Variants in GCN1 observed in about 807,000 individuals in gnomAD.
GCN1 encodes the protein stalled ribosome sensor GCN1.
In GCN1, 90 loss-of-function variants were observed where a neutral mutation model predicts 288.4. That is an observed-to-expected ratio of 0.31 (90% confidence interval 0.26 to 0.37). The LOEUF (loss-of-function observed/expected upper bound fraction) is 0.37, where lower values mean the gene tolerates loss of function less well. Among genes scored for constraint, GCN1 ranks in the 10% least tolerant of loss-of-function variants. The pLI is 1.00. For synonymous variants in GCN1, 1,386 were observed against 1,420.2 expected, an observed-to-expected ratio of 0.98 and a Z score of 0.54; for missense variants, 2,586 against 3,419.9, an observed-to-expected ratio of 0.76 and a Z score of 6.08.
At chr12:120,192,901 T>C (rs1327934767) in intron 1 of GCN1, among the ~76,000 whole-genome samples, 1 of 149,806 alleles carries the variant, frequency 6.7e-6, no homozygotes, top group East Asian at 2.0e-4. Flanking sequence ...CCGGGCATGG[T>C]GGCGCATGCC....
chr12:120,186,720 T>C lies in GCN1; in HGVS notation c.122-1833A>G, dbSNP rs577908825. On this transcript the variant is annotated intron_variant, in intron 2 of 57. Transcript: ENST00000300648. The stretch of plus-strand genomic sequence containing the variant: ...CAGAAACAGGTTGTGGCTAAGACAA[T>C]GACAATAACAGCTAACACACACTGT... 3.9e-5 allele frequency among the ~76,000 whole-genome samples: 6 copies of C among 152,236 alleles called. No individual in the cohort carries two copies. In the East Asian group the frequency reaches 1.2e-3, roughly 29 times the overall value.
chr12:120,176,011 A>G lies in GCN1; in HGVS notation c.913+132T>C, dbSNP rs998885778. On this transcript the variant is annotated intron_variant, in intron 10 of 57. Transcript: ENST00000300648. The stretch of plus-strand genomic sequence containing the variant: ...AAATAATCTCAAGAAAGAAACTGCC[A>G]ATGCCAATGTAGTTTAGGTTAGGGC... 4.6e-6 allele frequency: 6 copies of G among 1,301,848 alleles called. No individual in the cohort carries two copies. The African/African-American group carries it at 8.9e-5, about 19-fold the overall frequency. The allele number at this position is 1,301,848 out of a possible 1,614,324, so 80.6% of individuals were successfully genotyped here.
In GCN1 at chr12:120,145,333, G is replaced by GC. The variant is rs1877331068; in HGVS notation, c.4948-4dup. Reference sequence around the variant, plus strand: ...CTGGGCAGGTACGGAGCCAAGTCCTGCAACAACACAGGAGGCGGCTCAGGT... The same window carrying GC: ...CTGGGCAGGTACGGAGCCAAGTCCTGCCAACAACACAGGAGGCGGCTCAGGT... On this transcript the variant is annotated splice_polypyrimidine_tract_variant and splice_region_variant and intron_variant, in intron 38 of 57. Transcript: ENST00000300648. 1.3e-6 allele frequency: 2 copies of GC among 1,576,830 alleles called. No homozygotes were observed. The highest frequency in any genetic ancestry group is 1.7e-6 in the Non-Finnish European group (2 of 1,162,038).
In GCN1 at chr12:120,178,643, G is replaced by T; in HGVS notation, c.642C>A (p.Asp214Glu). The change falls in exon 7 of 58, where the codon GAC becomes GAA. Residue 214 changes from aspartate to glutamate, a missense_variant. Transcript: ENST00000300648. Reference sequence around the variant, plus strand: ...CACTTGCCTTGTGCTGACTGACCACGTCCATCTCCTTGTGACTCGTGCAGA... The same window carrying T: ...CACTTGCCTTGTGCTGACTGACCACTTCCATCTCCTTGTGACTCGTGCAGA... The part of the protein sequence containing the change: ...VQFCTSHKEM[D>E]VVSQHKSALL... The T allele has an allele frequency of 6.2e-7, 1 of 1,614,170 alleles. No individual in the cohort carries two copies. The highest frequency in any genetic ancestry group is 8.5e-7 in the Non-Finnish European group (1 of 1,180,022).
At chr12:120,181,382 T>G (rs1878652088) in intron 5 of GCN1, among the ~76,000 whole-genome samples, 1 of 143,416 alleles carries the variant, frequency 7.0e-6, no homozygotes, top group Non-Finnish European at 1.5e-5. Flanking sequence ...GAAGGATCGC[T>G]TGAGCCCAGG....
At position 120,153,250 on chromosome 12, in the gene GCN1, G is replaced by T. The variant is rs1877628278; in HGVS notation, c.4025C>A (p.Ala1342Asp). 1.9e-6 allele frequency: 3 copies of T among 1,614,084 alleles called. No homozygotes were observed. Among genetic ancestry groups the T allele is most frequent in the African/African-American group, 2.7e-5 (2 of 74,918 alleles). Residue 1342 changes from alanine to aspartate, a missense_variant, in exon 33 of 58, where the codon GCC becomes GAC. Around this residue, in one of 8 missense-constraint regions of GCN1, gnomAD observed 332 missense variants for 403.0 expected, o/e 0.82. Transcript: ENST00000300648. This position sits in a 1 kb window ranked among gnomAD's most constrained non-coding sequence, Gnocchi z 4.4. ...KSDPKVKPIV[A>D]KLIAALSTPS... ...GGTGGAGAGGGCAGCGATGAGCTTG[G>T]CAACAATGGGCTTCACTTTGGGGTC...
In GCN1 at chr12:120,138,014, G is replaced by A. The variant is rs773185142; in HGVS notation, c.6280C>T (p.Leu2094=). ...LTTPPVNTRV[L]AFLSSVAGDA... ...CCAGCCACTGACGAAAGGAAAGCCA[G>A]CACCCGGGTGTTGACAGGTGGCGTT... Residue 2094 remains leucine (L), a synonymous_variant, in exon 48 of 58, where the codon CTG becomes TTG. Transcript: ENST00000300648. 3 of 1,613,892 alleles carry A rather than the reference G, an allele frequency of 1.9e-6. No homozygotes were observed. The East Asian group carries it at 6.7e-5, about 36-fold the overall frequency.
At position 120,153,061 on chromosome 12, in the gene GCN1, G is replaced by T; in HGVS notation, c.4062+152C>A. The T allele has an allele frequency of 1.6e-6, 1 of 634,722 alleles. No individual in the cohort carries two copies. Among genetic ancestry groups the T allele is most frequent in the Non-Finnish European group, 2.7e-6 (1 of 365,626 alleles). 39.3% of individuals were successfully genotyped at this position (634,722 alleles called of 1,614,324 possible). ...AGGAGTGTTCCTGACTATAAACCAG[G>T]CTCTCCCCTGCGAGAGGGGGTGAAT... On this transcript the variant is annotated intron_variant, in intron 33 of 57. Transcript: ENST00000300648. This position sits in a 1 kb window ranked among gnomAD's most constrained non-coding sequence, Gnocchi z 4.4.
chr12:120,172,027 ATTTT>A (rs1037771064), intron 14 of GCN1, among the ~76,000 whole-genome samples: 1 of 151,344 alleles, frequency 6.6e-6, no homozygotes, highest in Non-Finnish European at 1.5e-5. Context: ...ATGCCCAGCT[ATTTT>A]TTTAATTTTT....
intron 5 of GCN1, among the ~76,000 whole-genome samples, chr12:120,179,230 G>T (rs1168375213): frequency 6.6e-6 from 1 of 151,936 alleles, no homozygotes; most frequent in East Asian, 1.9e-4. Context: ...AGACAGACAT[G>T]GTCCCTGCTT....
In GCN1 at chr12:120,158,753, C is replaced by T. The variant is rs1877833570; in HGVS notation, c.2750-138G>A. On this transcript the variant is annotated intron_variant, in intron 24 of 57. Coordinates refer to ENST00000300648, the MANE Select transcript of GCN1 (RefSeq NM_006836.2). This position sits in a 1 kb window ranked among gnomAD's most constrained non-coding sequence, Gnocchi z 4.3. Reference sequence around the variant, plus strand: ...TGCGGCTGGGCGCGGTGGCTGATGCCTGTAATCCCAGCACTTTGGGAGGCC... The same window carrying T: ...TGCGGCTGGGCGCGGTGGCTGATGCTTGTAATCCCAGCACTTTGGGAGGCC... 2 of 711,014 alleles carry T rather than the reference C, an allele frequency of 2.8e-6. No homozygotes were observed. The highest frequency in any genetic ancestry group is 6.0e-5 in the Admixed American group (2 of 33,492). 44.0% of individuals were successfully genotyped at this position (711,014 alleles called of 1,614,324 possible). A position where few individuals can be genotyped will look rare whatever the true frequency, so the allele number is the denominator to read the frequency against.
intron 55 of GCN1, among the ~76,000 whole-genome samples, 182 bp from the exon 56 acceptor site, chr12:120,130,935 C>T (rs1876797813): frequency 6.6e-6 from 1 of 152,184 alleles, no homozygotes; most frequent in Admixed American, 6.5e-5. Flanking sequence ...CACTGGTTCC[C>T]AGGAACAGGG....
chr12:120,182,379 C>G lies in GCN1; in HGVS notation c.426+1190G>C, dbSNP rs764882782. Reference sequence around the variant, plus strand: ...CATTCCATGTTTGTCCCCAGAGGTGCGCTGGATAAGCTCCCAGGGATGCAG... The same window carrying G: ...CATTCCATGTTTGTCCCCAGAGGTGGGCTGGATAAGCTCCCAGGGATGCAG... On this transcript the variant is annotated intron_variant, in intron 5 of 57. Coordinates refer to ENST00000300648, the MANE Select transcript of GCN1 (RefSeq NM_006836.2). Among the ~76,000 whole-genome samples the G allele has an allele frequency of 4.6e-5, 7 of 152,144 alleles. No individual in the cohort carries two copies. The East Asian group carries it at 1.2e-3, about 25-fold the overall frequency.
chr12:120,166,976 CT>C, intron 16 of GCN1, among the ~76,000 whole-genome samples: 1 of 151,778 alleles, frequency 6.6e-6, no homozygotes, highest in Non-Finnish European at 1.5e-5. Context: ...GACTGTGTCA[CT>C]GCACTCCAGC....
At chr12:120,162,595 C>G (rs974216617) in intron 20 of GCN1, among the ~76,000 whole-genome samples, 4 of 152,326 alleles carry the variant, frequency 2.6e-5, no homozygotes, top group South Asian at 4.1e-4. Flanking sequence ...GTAAGAGAGA[C>G]ATCACCTACA....
At chr12:120,186,191 T>C (rs2139143386) in intron 2 of GCN1, among the ~76,000 whole-genome samples, 1 of 152,050 alleles carries the variant, frequency 6.6e-6, no homozygotes, top group Non-Finnish European at 1.5e-5. Context: ...ATACAAAAAT[T>C]ACCTGGGCAT....
chr12:120,157,131 G>A (rs1302388388), intron 26 of GCN1, 139 bp from the exon 27 acceptor site: 2 of 617,352 alleles, frequency 3.2e-6, no homozygotes, highest in Admixed American at 5.2e-5. Flanking sequence ...ACCTCATTAA[G>A]TTTACAACTA....
Position 120,161,510 on chromosome 12 carries a change from T to C in GCN1, c.2416A>G (p.Ile806Val), listed in dbSNP as rs1267973233. ...NKAYSFKEQI[I>V]ELELKEEIKK... ...CTCACCTCCTTCAGCTCCAGCTCGA[T>C]GATCTGCTCTTTGAAGGAATAAGCT... The change falls in exon 22 of 58, where the codon ATC (isoleucine) becomes GTC (valine). Residue 806 changes from isoleucine to valine, a missense_variant. Around this residue, in one of 8 missense-constraint regions of GCN1, gnomAD observed 913 missense variants for 1,107.0 expected, o/e 0.82. Transcript: ENST00000300648. 1.9e-6 allele frequency: 3 copies of C among 1,613,266 alleles called. No homozygotes were observed. The highest frequency in any genetic ancestry group is 2.5e-6 in the Non-Finnish European group (3 of 1,179,326).
At chr12:120,151,869 G>A (rs746540964) in intron 33 of GCN1, among the ~76,000 whole-genome samples, 9 of 152,254 alleles carry the variant, frequency 5.9e-5, no homozygotes, top group East Asian at 5.8e-4. Context: ...CCTCCCAGCC[G>A]CAGCTCACTA....
Sources: gnomAD v4.1 joint callset for allele counts (sites outside exome capture counted in the v4.1 genomes callset) on GRCh38, gnomAD v4.1.1 for gene constraint, gnomAD v4.1.1 regional missense constraint, Gnocchi (gnomAD v3.1) non-coding constraint, MANE v1.5 for transcripts, NCBI Gene and HGNC (gene_info 2026-07-23, HGNC 2026-07-21) for gene names.